The following KDM4C variants were observed in gnomAD, a reference collection of about 807,000 sequenced individuals.
KDM4C encodes the protein lysine demethylase 4C.
In KDM4C, 81 loss-of-function variants were observed where a neutral mutation model predicts 129.3. The observed-to-expected ratio is 0.63, with a 90% confidence interval of 0.52 to 0.75. The LOEUF is 0.75. Among genes scored for constraint, KDM4C ranks in the 30% least tolerant of loss-of-function variants. The probability of loss-of-function intolerance (pLI) is 0.00; values close to 1 mark genes in which losing one functional copy is unlikely to be tolerated. For missense variants in KDM4C, 1,457 were observed against 1,304.0 expected (o/e 1.12, Z -1.81); for synonymous variants, 573 against 456.1 (o/e 1.26, Z -3.26).
intron 12 of KDM4C, among the ~76,000 whole-genome samples, chr9:7,005,398 G>T (rs1158639259): frequency 7.0e-6 from 1 of 143,562 alleles, no homozygotes; most frequent in African/African-American, 2.6e-5. Context: ...TCAAGCCGTT[G>T]CACTCCAGCC....
intron 1 of KDM4C, among the ~76,000 whole-genome samples, chr9:6,792,164 A>G (rs900997511): frequency 6.6e-6 from 1 of 151,820 alleles, no homozygotes; most frequent in Non-Finnish European, 1.5e-5. Flanking sequence ...AACATGGTGA[A>G]ACTCCATCTC....
chr9:7,098,973 CTCTG>C (rs71315576), intron 17 of KDM4C, among the ~76,000 whole-genome samples: 53,992 of 151,852 alleles, frequency 0.36, 9,851 homozygotes, highest in Middle Eastern at 0.51. Flanking sequence ...AGCCTCGATC[CTCTG>C]ACTTGCCTGC....
In KDM4C at chr9:6,849,507, G is replaced by T; in HGVS notation, c.436G>T (p.Gly146Cys). ...TCTCTTTTTTTCTCTCTCATTCCAG[G>T]GTGTGGATGAATGGAACATAGCTCG... ...ADINGSIYDE[G>C]VDEWNIARLN... The change falls in exon 5 of 22, where the codon GGT becomes TGT. Residue 146 changes from glycine (G) to cysteine (C), a missense_variant and splice_region_variant. By Grantham distance (159) the Gly-to-Cys change is radical. Transcript: ENST00000381309. 1 of 1,529,848 alleles carries T rather than the reference G, an allele frequency of 6.5e-7. No homozygotes were observed. The highest frequency in any genetic ancestry group is 8.9e-7 in the Non-Finnish European group (1 of 1,129,102). 94.8% of individuals were successfully genotyped at this position (1,529,848 alleles called of 1,614,324 possible). A position where few individuals can be genotyped will look rare whatever the true frequency, so the allele number is the denominator to read the frequency against.
intron 1 of KDM4C, among the ~76,000 whole-genome samples, chr9:6,762,813 C>G (rs969912923): frequency 9.9e-5 from 15 of 151,886 alleles, no homozygotes; most frequent in African/African-American, 3.6e-4. Context: ...CACCTGCCAT[C>G]ACGCCCAGCT....
At chr9:7,077,114 C>G (rs187395824) in intron 17 of KDM4C, 14 of 985,228 alleles carry the variant, frequency 1.4e-5, no homozygotes, top group African/African-American at 1.7e-5. Context: ...TATATGCTAT[C>G]GAAACAGATG....
chr9:6,861,410 A>G (rs893617924), intron 5 of KDM4C, among the ~76,000 whole-genome samples: 1 of 152,224 alleles, frequency 6.6e-6, no homozygotes, highest in Non-Finnish European at 1.5e-5. Context: ...TTAGGGATAA[A>G]TATTACAAAG....
At chr9:6,819,719 A>G (rs993566526) in intron 4 of KDM4C, among the ~76,000 whole-genome samples, 1 of 152,226 alleles carries the variant, frequency 6.6e-6, no homozygotes, top group African/African-American at 2.4e-5. Flanking sequence ...AGAGTGCATT[A>G]AAGGGCATGA....
chr9:6,983,022 C>T (rs1817036739), intron 9 of KDM4C, among the ~76,000 whole-genome samples: 1 of 152,140 alleles, frequency 6.6e-6, no homozygotes, highest in Admixed American at 6.6e-5. Flanking sequence ...CACATGTCAG[C>T]CTTCTTTTTT....
chr9:6,835,273 C>T (rs1835677532), intron 4 of KDM4C: 1 of 910,172 alleles, frequency 1.1e-6, no homozygotes, highest in African/African-American at 1.6e-5. Context: ...CTGTGGCATC[C>T]ATGAAACTAC....
chr9:7,092,742 A>T lies in KDM4C; in HGVS notation c.2425-10943A>T, dbSNP rs548388006. Among the ~76,000 whole-genome samples the T allele has an allele frequency of 2.0e-3, 300 of 152,300 alleles. 2 individuals are homozygous for T. Among genetic ancestry groups the T allele is most frequent in the African/African-American group, 6.0e-3 (250 of 41,564 alleles). ...TCACAAAAGTCCTGGAGGTGATAGAAGACCACACTTTAGTTGTATGATTGC... is the reference window on the plus strand; with the variant it reads ...TCACAAAAGTCCTGGAGGTGATAGATGACCACACTTTAGTTGTATGATTGC... On this transcript the variant is annotated intron_variant, in intron 17 of 21. Transcript: ENST00000381309.
At chr9:6,978,496 A>C (rs1833308710) in intron 8 of KDM4C, 1 of 152,110 alleles carries the variant, frequency 6.6e-6, no homozygotes, top group African/African-American at 2.4e-5. Flanking sequence ...ATGTTTCTGT[A>C]CCTCCTGAAG....
chr9:7,090,084 T>A (rs1033694311), intron 17 of KDM4C, among the ~76,000 whole-genome samples: 3 of 152,190 alleles, frequency 2.0e-5, no homozygotes, highest in Non-Finnish European at 4.4e-5. Context: ...CCCTTCCAGC[T>A]CCCTCATTAC....
At chr9:6,991,252 A>C (rs1818689519) in intron 12 of KDM4C, among the ~76,000 whole-genome samples, 1 of 151,944 alleles carries the variant, frequency 6.6e-6, no homozygotes, top group African/African-American at 2.4e-5. Context: ...TTAATTTAAA[A>C]AAAAAATTTT....
At chr9:6,822,720 AAAAC>A (rs1482015158) in intron 4 of KDM4C, among the ~76,000 whole-genome samples, 33 of 152,246 alleles carry the variant, frequency 2.2e-4, no homozygotes, top group Non-Finnish European at 2.9e-5. Context: ...TTCGGGAAAC[AAAAC>A]AAACACACAA....
At chr9:6,770,649 A>C (rs1217905488) in intron 1 of KDM4C, among the ~76,000 whole-genome samples, 1 of 149,256 alleles carries the variant, frequency 6.7e-6, no homozygotes. Flanking sequence ...TATTTCTTGC[A>C]TTCATTAATA....
In KDM4C at chr9:6,866,902, T is replaced by C. The variant is rs554689632; in HGVS notation, c.630-13110T>C. On this transcript the variant is annotated intron_variant, in intron 5 of 21. Coordinates refer to ENST00000381309, the MANE Select transcript of KDM4C (RefSeq NM_015061.6). The stretch of plus-strand genomic sequence containing the variant: ...GATGACTTGGTGCTGTATATATATA[T>C]ACATATATATATATATATATAGAAA... Among the ~76,000 whole-genome samples the C allele has an allele frequency of 2.4e-5, 3 of 125,208 alleles. No individual in the cohort carries two copies. In the East Asian group the frequency reaches 7.4e-4, roughly 31 times the overall value. 82.1% of individuals were successfully genotyped at this position (125,208 alleles called of 152,430 possible). A position where few individuals can be genotyped will look rare whatever the true frequency, so the allele number is the denominator to read the frequency against.
At chr9:6,824,835 C>T (rs1434115297) in intron 4 of KDM4C, among the ~76,000 whole-genome samples, 1 of 151,916 alleles carries the variant, frequency 6.6e-6, no homozygotes. Context: ...TTTCAAATCT[C>T]TTATGTCTAG....
intron 17 of KDM4C, among the ~76,000 whole-genome samples, chr9:7,072,466 C>T (rs1167171015): frequency 6.6e-6 from 1 of 152,204 alleles, no homozygotes; most frequent in Non-Finnish European, 1.5e-5. Flanking sequence ...CTAGAGATTT[C>T]ATCAACCATG....
At chr9:6,864,015 T>C (rs1330065838) in intron 5 of KDM4C, among the ~76,000 whole-genome samples, 3 of 152,178 alleles carry the variant, frequency 2.0e-5, no homozygotes, top group African/African-American at 7.2e-5. Context: ...GGGTCAAATA[T>C]CAAACCATAT....
Sources: allele counts gnomAD v4.1 joint callset (sites outside exome capture counted in the v4.1 genomes callset), GRCh38; gene constraint gnomAD v4.1.1; transcripts MANE v1.5; gene names NCBI Gene and HGNC (gene_info 2026-07-23, HGNC 2026-07-21).